The following MLXIP variants were observed in gnomAD, a reference collection of about 807,000 sequenced individuals.
MLXIP encodes the protein MLX-interacting protein.
MLXIP carries 30 observed loss-of-function variants against 87.2 expected under a neutral mutation model. That is an observed-to-expected ratio of 0.34 (90% CI 0.26 to 0.47). MLXIP has a LOEUF of 0.47. Ranked by LOEUF, MLXIP falls within the 20% of genes least tolerant of loss-of-function variation. MLXIP has a pLI of 1.00. For synonymous variants in MLXIP, 530 were observed against 514.0 expected (o/e 1.03, Z -0.42); for missense variants, 1,002 against 1,240.1 (o/e 0.81, Z 2.88).
At chr12:122,081,502 A>G (rs1041010942) in intron 1 of MLXIP, among the ~76,000 whole-genome samples, 2 of 152,100 alleles carry the variant, frequency 1.3e-5, no homozygotes, top group Non-Finnish European at 2.9e-5. Context: ...GAGAACTGCT[A>G]CCTGGCTTTC....
chr12:122,104,022 T>A (rs921605134), intron 1 of MLXIP, among the ~76,000 whole-genome samples: 1 of 152,116 alleles, frequency 6.6e-6, no homozygotes, highest in African/African-American at 2.4e-5. Flanking sequence ...TGAACTATAT[T>A]CCAATAAAGC....
chr12:122,137,602 C>G lies in MLXIP; in HGVS notation c.2154+12C>G, dbSNP rs1009803035. On this transcript the variant is annotated intron_variant, in intron 12 of 16. Coordinates refer to ENST00000319080, the MANE Select transcript of MLXIP (RefSeq NM_014938.6). This position sits in a 1 kb window ranked among gnomAD's most constrained non-coding sequence, Gnocchi z 4.1. ...TGGCTGCACTAAAGGTACCGCATGT[C>G]TCCTCTTGGTTCCCTTGGGAGGAGG... 6.2e-7 allele frequency: 1 copy of G among 1,612,974 alleles called. No homozygotes were observed. Among genetic ancestry groups the G allele is most frequent in the South Asian group, 1.1e-5 (1 of 90,952 alleles).
rs570222996 is a variant in MLXIP, at chr12:122,137,968, C to T, written c.2155-226C>T. ...CTGGGATGCACCGGTTCAGCCCTGCCGTTCCCAGCCCCAGCTGTGCACCAT... is the reference window on the plus strand; with the variant it reads ...CTGGGATGCACCGGTTCAGCCCTGCTGTTCCCAGCCCCAGCTGTGCACCAT... On this transcript the variant is annotated intron_variant, in intron 12 of 16. Transcript: ENST00000319080. The surrounding 1 kb of genome is among the most constrained non-coding windows in gnomAD (Gnocchi z 4.1). 3.9e-5 allele frequency among the ~76,000 whole-genome samples: 6 copies of T among 152,202 alleles called. No individual in the cohort carries two copies. Among genetic ancestry groups the T allele is most frequent in the African/African-American group, 1.4e-4 (6 of 41,454 alleles).
chr12:122,082,831 C>CT (rs1283375694), intron 1 of MLXIP, among the ~76,000 whole-genome samples: 3 of 152,102 alleles, frequency 2.0e-5, no homozygotes, highest in African/African-American at 4.8e-5. Flanking sequence ...ACAGAATTTC[C>CT]TTTTTTTGAG....
rs1360138495 is a variant in MLXIP at position 122,135,637 on chromosome 12, G to A, written c.2003G>A (p.Gly668Asp). ...GGCGAGCAGGTCCCGCTGCATGGGGGCAGCCCCCAGGTCACTGTCACAGGG... is the reference window on the plus strand; with the variant it reads ...GGCGAGCAGGTCCCGCTGCATGGGGACAGCCCCCAGGTCACTGTCACAGGG... ...GKGEQVPLHG[G>D]SPQVTVTGPS... The change falls in exon 11 of 17, where the codon GGC becomes GAC. Residue 668 changes from glycine (G) to aspartate (D), a missense_variant. By Grantham distance (94) the Gly-to-Asp change is moderately conservative (BLOSUM62 -1). This residue lies in a region of MLXIP where 746 missense variants were observed against 897.0 expected (regional missense o/e 0.83). Coordinates refer to ENST00000319080, the MANE Select transcript of MLXIP (RefSeq NM_014938.6). This position sits in a 1 kb window ranked among gnomAD's most constrained non-coding sequence, Gnocchi z 5.3. 3 of 1,540,070 alleles carry A rather than the reference G, an allele frequency of 1.9e-6. No homozygotes were observed. The highest frequency in any genetic ancestry group is 2.6e-6 in the Non-Finnish European group (3 of 1,144,580).
At position 122,145,686 on chromosome 12, in the gene MLXIP, C is replaced by T. The variant is rs2136003515; in HGVS notation, c.*3874C>T. The T allele has an allele frequency of 6.6e-6, 1 of 152,476 alleles. No homozygotes were observed. The highest frequency in any genetic ancestry group is 2.4e-5 in the African/African-American group (1 of 41,574). 9.4% of individuals were successfully genotyped at this position (152,476 alleles called of 1,614,324 possible). ...AGGTTTTCAAGATGGTGAGGTCTCGCTGTCTGCTGGACAGTACGTTAGGCT... is the reference window on the plus strand; with the variant it reads ...AGGTTTTCAAGATGGTGAGGTCTCGTTGTCTGCTGGACAGTACGTTAGGCT... On this transcript the variant is annotated 3_prime_UTR_variant, in exon 17 of 17. Transcript: ENST00000319080.
At chr12:122,101,379 C>T (rs1399099246) in intron 1 of MLXIP, among the ~76,000 whole-genome samples, 2 of 150,648 alleles carry the variant, frequency 1.3e-5, no homozygotes, top group Non-Finnish European at 3.0e-5. Flanking sequence ...TAAAAATAGA[C>T]CTGCAGCATC....
In MLXIP at chr12:122,130,034, A is replaced by T. The variant is rs1952949554; in HGVS notation, c.832A>T (p.Met278Leu). Residue 278 changes from methionine (M) to leucine (L), a missense_variant, in exon 6 of 17, where the codon ATG becomes TTG. By Grantham distance (15) the Met-to-Leu change is conservative. This residue lies in a region of MLXIP where 746 missense variants were observed against 897.0 expected (regional missense o/e 0.83). Transcript: ENST00000319080. ...EDPLLDTDML[M>L]SEFSDTLFST... Reference sequence around the variant, plus strand: ...TCCCCTGCTGGACACAGACATGCTCATGTCGGAATTCAGCGACACCCTCTT... The same window carrying T: ...TCCCCTGCTGGACACAGACATGCTCTTGTCGGAATTCAGCGACACCCTCTT... The T allele has an allele frequency of 1.2e-6, 2 of 1,613,982 alleles. No homozygotes were observed. Among genetic ancestry groups the T allele is most frequent in the East Asian group, 2.2e-5 (1 of 44,878 alleles).
At position 122,146,098 on chromosome 12, in the gene MLXIP, A is replaced by G. The variant is rs1953296075; in HGVS notation, c.*4286A>G. 6.6e-6 allele frequency: 1 copy of G among 152,232 alleles called. No homozygotes were observed. The allele number at this position is 152,232 out of a possible 1,614,324, so 9.4% of individuals were successfully genotyped here. A position where few individuals can be genotyped will look rare whatever the true frequency, so the allele number is the denominator to read the frequency against. ...GGCCCAGCGTTTCCTTGGGGAAGGG[A>G]AAGGAGGGCTGGACAGCACTGATCC... is the stretch of plus-strand genomic sequence containing the variant. On this transcript the variant is annotated 3_prime_UTR_variant, in exon 17 of 17. Coordinates refer to ENST00000319080, the MANE Select transcript of MLXIP (RefSeq NM_014938.6).
chr12:122,104,525 T>C (rs2135931972), intron 1 of MLXIP, among the ~76,000 whole-genome samples: 1 of 152,282 alleles, frequency 6.6e-6, no homozygotes, highest in South Asian at 2.1e-4. Context: ...GTAGATGTAT[T>C]TGATTTATCT....
chr12:122,131,761 C>T (rs993202840), intron 7 of MLXIP, among the ~76,000 whole-genome samples: 13 of 151,886 alleles, frequency 8.6e-5, no homozygotes, highest in African/African-American at 3.1e-4. Context: ...CAGAGCCTTG[C>T]TCTGTAGCCC....
At chr12:122,096,373 C>T (rs1294087367) in intron 1 of MLXIP, among the ~76,000 whole-genome samples, 1 of 151,668 alleles carries the variant, frequency 6.6e-6, no homozygotes, top group African/African-American at 2.4e-5. Context: ...GTTTCTAGGC[C>T]CCTGTTCCAT....
At chr12:122,093,867 TG>T in intron 1 of MLXIP, among the ~76,000 whole-genome samples, 1 of 137,554 alleles carries the variant, frequency 7.3e-6, no homozygotes. Context: ...GTCTGGTGTG[TG>T]GGGTGTGTTG....
chr12:122,082,684 A>G (rs1952108527), intron 1 of MLXIP, among the ~76,000 whole-genome samples: 1 of 152,230 alleles, frequency 6.6e-6, no homozygotes, highest in African/African-American at 2.4e-5. Flanking sequence ...CCTGCTTGAC[A>G]AATACTAAAT....
intron 1 of MLXIP, among the ~76,000 whole-genome samples, chr12:122,114,268 G>C (rs947617019): frequency 6.6e-6 from 1 of 152,304 alleles, no homozygotes; most frequent in Middle Eastern, 3.4e-3. Context: ...TTACAGGCGT[G>C]AGCCACTGCG....
Position 122,130,125 on chromosome 12 carries a change from A to C in MLXIP, c.910+13A>C. 1 of 1,609,960 alleles carries C rather than the reference A, an allele frequency of 6.2e-7. No individual in the cohort carries two copies. The highest frequency in any genetic ancestry group is 8.5e-7 in the Non-Finnish European group (1 of 1,178,138). Reference sequence around the variant, plus strand: ...CCCCGGGAAATAGGTAACCCAAACCAGGGCCTTGGGCTTTGAACAGCCAGC... The same window carrying C: ...CCCCGGGAAATAGGTAACCCAAACCCGGGCCTTGGGCTTTGAACAGCCAGC... On this transcript the variant is annotated intron_variant, in intron 6 of 16. Coordinates refer to ENST00000319080, the MANE Select transcript of MLXIP (RefSeq NM_014938.6).
chr12:122,088,928 A>G (rs1016404627), intron 1 of MLXIP, among the ~76,000 whole-genome samples: 4 of 146,564 alleles, frequency 2.7e-5, no homozygotes, highest in Non-Finnish European at 3.0e-5. Context: ...CCTCAGCACT[A>G]TGGGAGGTTG....
At chr12:122,095,290 G>T (rs1952335167) in intron 1 of MLXIP, among the ~76,000 whole-genome samples, 1 of 150,218 alleles carries the variant, frequency 6.7e-6, no homozygotes, top group East Asian at 1.9e-4. Context: ...GTGGTATGTT[G>T]TGTGTGTGGG....
intron 1 of MLXIP, among the ~76,000 whole-genome samples, chr12:122,123,410 C>G (rs756890787): frequency 1.3e-5 from 2 of 152,040 alleles, no homozygotes; most frequent in African/African-American, 4.8e-5. Flanking sequence ...TACCGAAACT[C>G]GGGGTGGAAC....
Sources: allele counts gnomAD v4.1 joint callset (sites outside exome capture counted in the v4.1 genomes callset), GRCh38; gene constraint gnomAD v4.1.1; regional missense constraint gnomAD v4.1.1; non-coding constraint Gnocchi (gnomAD v3.1); transcripts MANE v1.5; gene names NCBI Gene and HGNC (gene_info 2026-07-23, HGNC 2026-07-21).